EFCC1: variants seen among roughly 807,000 people sequenced by gnomAD.
The protein encoded by EFCC1 is EF-hand and coiled-coil domain-containing protein 1.
EFCC1 carries 50 observed loss-of-function variants against 52.1 expected under a neutral mutation model. The observed-to-expected ratio is 0.96, with a 90% CI of 0.76 to 1.21. The LOEUF (loss-of-function observed/expected upper bound fraction) is 1.21. Ranked by LOEUF, EFCC1 falls within the 50% of genes most tolerant of loss-of-function variation. The pLI, the probability that EFCC1 is intolerant of heterozygous loss-of-function variation, is 0.00. For synonymous variants in EFCC1, 399 were observed against 396.5 expected, an observed-to-expected ratio of 1.01 and a Z score of -0.08; for missense variants, 837 against 867.3, an observed-to-expected ratio of 0.97 and a Z score of 0.44.
rs374521314 is a variant in EFCC1 at position 129,025,526 on chromosome 3, T to G, written c.981-5177T>G. Among the ~76,000 whole-genome samples, 30 of 152,300 alleles carry G rather than the reference T, an allele frequency of 2.0e-4. 1 individual carries two copies. The highest frequency in any genetic ancestry group is 9.7e-4 in the East Asian group (5 of 5,176). ...GACATGATTGGGGCAGCATGTGTAG[T>G]AGGCACAGTGCTTTCAAGTTTTCTG... On this transcript the variant is annotated intron_variant, in intron 2 of 7. Transcript: ENST00000683648.
chr3:129,011,545 C>T lies in EFCC1; in HGVS notation c.980+7468C>T, dbSNP rs112265895. On this transcript the variant is annotated intron_variant, in intron 2 of 7. Transcript: ENST00000683648. Reference sequence around the variant, plus strand: ...CAGCCTGGGTGACAGAGCAAGACTCCGTCTCAAAAAAAAAAAAAAAAGAAT... The same window carrying T: ...CAGCCTGGGTGACAGAGCAAGACTCTGTCTCAAAAAAAAAAAAAAAAGAAT... Among the ~76,000 whole-genome samples, 1,125 of 145,678 alleles carry T rather than the reference C, an allele frequency of 7.7e-3. 16 individuals carry two copies. The highest frequency in any genetic ancestry group is 0.027 in the African/African-American group (1,061 of 39,020).
At chr3:129,036,085 G>A (rs1559976691) in intron 5 of EFCC1, among the ~76,000 whole-genome samples, 2 of 152,270 alleles carry the variant, frequency 1.3e-5, no homozygotes, top group Non-Finnish European at 2.9e-5. Context: ...CCTCAGGAAA[G>A]TCATAGCCCT....
intron 5 of EFCC1, among the ~76,000 whole-genome samples, chr3:129,035,334 G>A (rs1432229770): frequency 6.6e-6 from 1 of 152,210 alleles, no homozygotes; most frequent in African/African-American, 2.4e-5. Context: ...AACAGTTTGA[G>A]AGAGGTCAAA....
intron 2 of EFCC1, among the ~76,000 whole-genome samples, chr3:129,026,883 G>A (rs1366034448): frequency 6.6e-6 from 1 of 152,116 alleles, no homozygotes; most frequent in Non-Finnish European, 1.5e-5. Flanking sequence ...CTTGCACTGG[G>A]GGACCCTGAA....
Position 129,036,957 on chromosome 3 carries a change from T to C in EFCC1, c.1453-20T>C, listed in dbSNP as rs7621321. ...TGGGAGAGGCCAGCAAAGTGAGCACTGAGCCCCTTCTCTTCCCAGGCAGAG... is the reference window on the plus strand; with the variant it reads ...TGGGAGAGGCCAGCAAAGTGAGCACCGAGCCCCTTCTCTTCCCAGGCAGAG... On this transcript the variant is annotated intron_variant, in intron 5 of 7. Coordinates refer to ENST00000683648, the MANE Select transcript of EFCC1 (RefSeq NM_001377500.1). 1,125 of 1,613,716 alleles carry C rather than the reference T, an allele frequency of 7.0e-4. 5 individuals are homozygous for C. In the African/African-American group the frequency reaches 0.014, roughly 20 times the overall value.
Position 129,032,896 on chromosome 3 carries a change from CAGG to C in EFCC1, c.1222_1224del (p.Glu408del). 2 of 1,551,308 alleles carry C rather than the reference CAGG, an allele frequency of 1.3e-6. No individual in the cohort carries two copies. Among genetic ancestry groups the C allele is most frequent in the South Asian group, 2.4e-5 (2 of 84,038 alleles). On this transcript the variant is annotated inframe_deletion, in exon 4 of 8. Coordinates refer to ENST00000683648, the MANE Select transcript of EFCC1 (RefSeq NM_001377500.1). The stretch of plus-strand genomic sequence containing the variant: ...GGAGGAGGTGGAGGAGGAGAGGTGG[CAGG>C]AGGAGAAGAAGACGCCGGCAGCCGA...
At chr3:129,022,528 A>G (rs1945902674) in intron 2 of EFCC1, among the ~76,000 whole-genome samples, 1 of 152,184 alleles carries the variant, frequency 6.6e-6, no homozygotes, top group Non-Finnish European at 1.5e-5. Flanking sequence ...TGGCGGCCAG[A>G]TGTGGCCATC....
chr3:129,036,341 T>TC (rs1224139163), intron 5 of EFCC1, among the ~76,000 whole-genome samples: 1 of 152,192 alleles, frequency 6.6e-6, no homozygotes, highest in African/African-American at 2.4e-5. Flanking sequence ...TGCTTCTCTT[T>TC]CCCTCCATTG....
chr3:129,004,164 C>A, intron 2 of EFCC1, 87 bp downstream of exon 2: 1 of 1,336,108 alleles, frequency 7.5e-7, no homozygotes, highest in South Asian at 1.7e-5. Flanking sequence ...CCCTCCCACG[C>A]GCTCTCGTGT....
intron 2 of EFCC1, among the ~76,000 whole-genome samples, chr3:129,005,793 G>A (rs1164710887): frequency 2.0e-5 from 3 of 152,290 alleles, no homozygotes; most frequent in Non-Finnish European, 4.4e-5. Flanking sequence ...CTCTGGGCCA[G>A]CCTCCTGCAG....
intron 5 of EFCC1, 73 bp from the exon 6 acceptor site, chr3:129,036,904 G>A (rs1946360514): frequency 1.9e-6 from 3 of 1,607,190 alleles, no homozygotes; most frequent in Non-Finnish European, 2.5e-6. Context: ...CGGGGAGATG[G>A]AGTAGTTGAT....
chr3:129,023,375 C>G (rs1299371975), intron 2 of EFCC1, among the ~76,000 whole-genome samples: 2 of 149,654 alleles, frequency 1.3e-5, no homozygotes, highest in Non-Finnish European at 2.9e-5. Context: ...AGAGTGCAGG[C>G]TAGAGCGCAG....
chr3:129,002,841 G>C (rs1286667847), intron 1 of EFCC1, among the ~76,000 whole-genome samples: 2 of 152,206 alleles, frequency 1.3e-5, no homozygotes, highest in Non-Finnish European at 2.9e-5. Context: ...ACAGAGACAA[G>C]TGAGAAACAG....
Position 129,001,994 on chromosome 3 carries a change from C to T in EFCC1, c.366C>T (p.Asp122=), listed in dbSNP as rs1471460098. ...CCGCTGAGTTGGCCACGGACGGGGACTCAGATACCGATGAAGAGGCGCGCC... is the reference window on the plus strand; with the variant it reads ...CCGCTGAGTTGGCCACGGACGGGGATTCAGATACCGATGAAGAGGCGCGCC... ...DAAAELATDG[D]SDTDEEARLA... is the part of the protein sequence containing the mutation. The change falls in exon 1 of 8, where the codon GAC becomes GAT. Residue 122 remains aspartate, a synonymous_variant. Transcript: ENST00000683648. 1 of 1,546,012 alleles carries T rather than the reference C, an allele frequency of 6.5e-7. No individual in the cohort carries two copies. Among genetic ancestry groups the T allele is most frequent in the Non-Finnish European group, 8.7e-7 (1 of 1,145,234 alleles).
intron 2 of EFCC1, among the ~76,000 whole-genome samples, chr3:129,027,199 G>A (rs1946144539): frequency 6.6e-6 from 1 of 152,164 alleles, no homozygotes; most frequent in Non-Finnish European, 1.5e-5. Flanking sequence ...GCAGCCCTGG[G>A]CCACTCACGG....
intron 2 of EFCC1, among the ~76,000 whole-genome samples, chr3:129,004,806 A>G (rs1402793414): frequency 6.6e-6 from 1 of 152,020 alleles, no homozygotes; most frequent in African/African-American, 2.4e-5. Context: ...CAGGTGTGTA[A>G]TGACTGCCTG....
intron 2 of EFCC1, among the ~76,000 whole-genome samples, chr3:129,023,801 G>T (rs1341007509): frequency 1.3e-5 from 2 of 152,170 alleles, no homozygotes; most frequent in Non-Finnish European, 2.9e-5. Flanking sequence ...ATCACGTAGG[G>T]TCCACCCCTC....
chr3:129,025,176 A>G (rs1342617222), intron 2 of EFCC1, among the ~76,000 whole-genome samples: 1 of 152,172 alleles, frequency 6.6e-6, no homozygotes, highest in Non-Finnish European at 1.5e-5. Flanking sequence ...GATAAGAAGT[A>G]GGAAGTCATG....
chr3:129,025,228 C>T (rs1003168706), intron 2 of EFCC1, among the ~76,000 whole-genome samples: 1 of 152,140 alleles, frequency 6.6e-6, no homozygotes. Flanking sequence ...CCTCCTAGAG[C>T]GAGTGCACAC....
Sources: gnomAD v4.1 joint callset for allele counts (sites outside exome capture counted in the v4.1 genomes callset) on GRCh38, gnomAD v4.1.1 for gene constraint, MANE v1.5 for transcripts, NCBI Gene and HGNC (gene_info 2026-07-23, HGNC 2026-07-21) for gene names.